MAGI2: variants seen among roughly 807,000 people sequenced by gnomAD.
MAGI2 encodes membrane associated guanylate kinase, WW and PDZ domain containing 2.
A neutral mutation model predicts 133.3 loss-of-function variants in MAGI2; 35 were observed. The observed-to-expected ratio is 0.26, with a 90% CI of 0.20 to 0.35. The LOEUF (loss-of-function observed/expected upper bound fraction) is 0.35, where lower values mean the gene tolerates loss of function less well. Among genes scored for constraint, MAGI2 ranks in the 10% least tolerant of loss-of-function variants. The probability of loss-of-function intolerance (pLI) is 1.00; values close to 1 mark genes in which losing one functional copy is unlikely to be tolerated. For missense variants in MAGI2, 1,636 were observed against 1,863.4 expected (o/e 0.88, Z 2.25); for synonymous variants, 729 against 710.6 (o/e 1.03, Z -0.41).
intron 1 of MAGI2, among the ~76,000 whole-genome samples, chr7:79,425,582 ATATATATATATATATATG>A (rs60485804): frequency 0.27 from 37,295 of 140,152 alleles, 6,723 homozygotes; most frequent in African/African-American, 0.53. Flanking sequence ...AGGGTTTTAT[ATATATATATATATATATG>A]TATATATATG....
chr7:78,633,704 TCA>T (rs1809315620), intron 2 of MAGI2, among the ~76,000 whole-genome samples: 1 of 50,236 alleles, frequency 2.0e-5, no homozygotes, highest in Non-Finnish European at 3.6e-5. Flanking sequence ...AGACTCCGTC[TCA>T]AAAAAAAAAA....
At chr7:78,802,966 G>A (rs1157964584) in intron 2 of MAGI2, among the ~76,000 whole-genome samples, 1 of 147,828 alleles carries the variant, frequency 6.8e-6, no homozygotes, top group Non-Finnish European at 1.5e-5. Flanking sequence ...TGTGATACTA[G>A]ATGCCTTGGA....
intron 16 of MAGI2, among the ~76,000 whole-genome samples, chr7:78,149,303 A>G (rs890554305): frequency 2.0e-5 from 3 of 152,270 alleles, no homozygotes; most frequent in Admixed American, 1.3e-4. Flanking sequence ...TGCCTAATGT[A>G]TCCGTCTTAT....
chr7:78,873,594 T>C (rs1218556930), intron 2 of MAGI2, among the ~76,000 whole-genome samples: 1 of 152,108 alleles, frequency 6.6e-6, no homozygotes, highest in African/African-American at 2.4e-5. Flanking sequence ...TTCTACATTA[T>C]GGTTGGTTGT....
intron 1 of MAGI2, among the ~76,000 whole-genome samples, chr7:79,122,462 A>G (rs1819989069): frequency 6.6e-6 from 1 of 152,172 alleles, no homozygotes; most frequent in South Asian, 2.1e-4. Flanking sequence ...CAGACCCAGA[A>G]ATGTATTAAA....
chr7:78,412,067 G>T (rs548686961), intron 6 of MAGI2, among the ~76,000 whole-genome samples: 1 of 152,110 alleles, frequency 6.6e-6, no homozygotes, highest in Non-Finnish European at 1.5e-5. Context: ...CATTGTAAGA[G>T]AATAATATGT....
intron 3 of MAGI2, among the ~76,000 whole-genome samples, chr7:78,546,277 T>C (rs1022965721): frequency 6.6e-6 from 1 of 152,200 alleles, no homozygotes; most frequent in Non-Finnish European, 1.5e-5. Context: ...CTACTTCTAG[T>C]ACCTCTGCTA....
At chr7:79,160,311 A>G (rs897384841) in intron 1 of MAGI2, among the ~76,000 whole-genome samples, 2 of 152,130 alleles carry the variant, frequency 1.3e-5, no homozygotes, top group Non-Finnish European at 2.9e-5. Flanking sequence ...AAAAAATCAT[A>G]CAGATAAAAC....
intron 1 of MAGI2, among the ~76,000 whole-genome samples, chr7:79,275,594 C>T (rs1835171321): frequency 6.6e-6 from 1 of 152,124 alleles, no homozygotes; most frequent in African/African-American, 2.4e-5. Flanking sequence ...CTACATTAAA[C>T]AACAGACATT....
At chr7:78,240,459 TA>T (rs1221657814) in intron 10 of MAGI2, among the ~76,000 whole-genome samples, 4 of 152,096 alleles carry the variant, frequency 2.6e-5, no homozygotes, top group Non-Finnish European at 5.9e-5. Flanking sequence ...TATTCAGCCA[TA>T]AAAAAGAATA....
intron 7 of MAGI2, among the ~76,000 whole-genome samples, chr7:78,364,864 C>A (rs1394808774): frequency 2.0e-5 from 3 of 152,150 alleles, no homozygotes; most frequent in African/African-American, 7.2e-5. Context: ...CAGTTACATT[C>A]CTAGTTAGCA....
intron 1 of MAGI2, among the ~76,000 whole-genome samples, chr7:79,263,715 C>T (rs1160824572): frequency 6.6e-6 from 1 of 152,038 alleles, no homozygotes; most frequent in Non-Finnish European, 1.5e-5. Context: ...CTTGAATGGA[C>T]TGCCCAAGAA....
At chr7:79,138,874 T>C (rs542993582) in intron 1 of MAGI2, among the ~76,000 whole-genome samples, 145 of 150,654 alleles carry the variant, frequency 9.6e-4, no homozygotes, top group Middle Eastern at 3.4e-3. Context: ...GGTGTGGTGG[T>C]TGGCCCCTGT....
chr7:78,277,244 T>C (rs1795142969), intron 9 of MAGI2, among the ~76,000 whole-genome samples: 1 of 152,174 alleles, frequency 6.6e-6, no homozygotes, highest in African/African-American at 2.4e-5. Context: ...GCAAGGAAAA[T>C]TATCATAATT....
intron 1 of MAGI2, among the ~76,000 whole-genome samples, chr7:79,294,790 C>A (rs1439729014): frequency 1.6e-5 from 2 of 121,826 alleles, no homozygotes; most frequent in East Asian, 2.7e-4. Context: ...AGTGCAGGGG[C>A]GCAATCTCGG....
chr7:78,352,042 C>T (rs1428835077), intron 7 of MAGI2: 2 of 152,096 alleles, frequency 1.3e-5, no homozygotes, highest in Non-Finnish European at 2.9e-5. Flanking sequence ...TAATATTCAC[C>T]TTACAGAGTT....
intron 5 of MAGI2, 25 bp downstream of exon 5, chr7:78,501,552 G>T (rs1170199581): frequency 6.3e-7 from 1 of 1,595,452 alleles, no homozygotes; most frequent in Non-Finnish European, 8.6e-7. Flanking sequence ...TTTTGGCACT[G>T]TTGAAAGAAA....
At chr7:78,131,517 G>T (rs750271861) in intron 18 of MAGI2, among the ~76,000 whole-genome samples, 1 of 152,152 alleles carries the variant, frequency 6.6e-6, no homozygotes, top group Non-Finnish European at 1.5e-5. Context: ...GAGAGGGATG[G>T]GAAGCAGATG....
intron 10 of MAGI2, among the ~76,000 whole-genome samples, chr7:78,245,800 T>G (rs744836): frequency 0.52 from 79,055 of 151,862 alleles, 22,143 homozygotes; most frequent in East Asian, 0.74. Flanking sequence ...GTGTCAGGAG[T>G]CCACACAGCC....
Sources: allele counts gnomAD v4.1 joint callset (sites outside exome capture counted in the v4.1 genomes callset), GRCh38; gene constraint gnomAD v4.1.1; transcripts MANE v1.5; gene names NCBI Gene and HGNC (gene_info 2026-07-23, HGNC 2026-07-21).